The following VPS8 variants were observed in gnomAD, a reference collection of about 807,000 sequenced individuals.
VPS8 encodes VPS8 subunit of CORVET complex.
VPS8 carries 129 observed loss-of-function variants against 216.4 expected under a neutral mutation model. The ratio of observed to expected loss-of-function variants is 0.60; its 90% CI spans 0.52 to 0.69. The LOEUF is 0.69. Among genes scored for constraint, VPS8 ranks in the 30% least tolerant of loss-of-function variants. The pLI, the probability that VPS8 is intolerant of heterozygous loss-of-function variation, is 0.00. For synonymous variants in VPS8, 571 were observed against 565.4 expected (o/e 1.01, Z -0.14); for missense variants, 1,531 against 1,683.5 (o/e 0.91, Z 1.59).
At chr3:185,012,376 AAT>A (rs1268158900) in intron 45 of VPS8, among the ~76,000 whole-genome samples, 2 of 148,102 alleles carry the variant, frequency 1.4e-5, no homozygotes, top group Non-Finnish European at 3.0e-5. Context: ...ACATAAATAT[AAT>A]ATACAACATA....
intron 1 of VPS8, among the ~76,000 whole-genome samples, chr3:184,814,629 TG>T (rs1715908244): frequency 6.6e-6 from 1 of 152,200 alleles, no homozygotes; most frequent in African/African-American, 2.4e-5. Flanking sequence ...TTTAAAAGAT[TG>T]AAAAATGTGA....
At chr3:184,933,599 TTTC>T (rs1332907583) in intron 34 of VPS8, among the ~76,000 whole-genome samples, 2 of 152,050 alleles carry the variant, frequency 1.3e-5, no homozygotes, top group African/African-American at 4.8e-5. Flanking sequence ...TCCTGCTTGC[TTTC>T]TTATTTCTTT....
chr3:184,923,531 T>G (rs1739034255), intron 29 of VPS8, among the ~76,000 whole-genome samples: 3 of 152,198 alleles, frequency 2.0e-5, no homozygotes, highest in Admixed American at 2.0e-4. Flanking sequence ...TTTTATCCCA[T>G]GTACTGCTGA....
chr3:184,845,550 G>A (rs1301955742), intron 8 of VPS8, among the ~76,000 whole-genome samples: 10 of 151,990 alleles, frequency 6.6e-5, no homozygotes, highest in Admixed American at 2.6e-4. Context: ...ACTTAAGGTC[G>A]GGAGTTCGAG....
intron 14 of VPS8, among the ~76,000 whole-genome samples, chr3:184,857,813 G>A (rs554500412): frequency 2.0e-5 from 3 of 152,168 alleles, no homozygotes; most frequent in South Asian, 4.2e-4. Context: ...ATATATTCTC[G>A]GGAAACTGAG....
At chr3:185,018,389 T>C (rs1756131380) in intron 45 of VPS8, among the ~76,000 whole-genome samples, 1 of 152,214 alleles carries the variant, frequency 6.6e-6, no homozygotes, top group African/African-American at 2.4e-5. Flanking sequence ...CAAGCCCTAA[T>C]TCACACTACT....
intron 47 of VPS8, among the ~76,000 whole-genome samples, chr3:185,051,476 C>A (rs1394035072): frequency 6.6e-6 from 1 of 152,068 alleles, no homozygotes; most frequent in African/African-American, 2.4e-5. Context: ...GAGGTTGGAA[C>A]AAGCAGAGCT....
chr3:184,836,785 T>C (rs1721173527), intron 5 of VPS8, among the ~76,000 whole-genome samples: 1 of 152,208 alleles, frequency 6.6e-6, no homozygotes, highest in African/African-American at 2.4e-5. Flanking sequence ...TTAGGGCTGT[T>C]TGGGGCCTTG....
chr3:184,938,642 TTTTTTTC>T (rs1279506646), intron 35 of VPS8, among the ~76,000 whole-genome samples: 89 of 118,936 alleles, frequency 7.5e-4, no homozygotes, highest in Middle Eastern at 7.6e-3. Context: ...TTTTCTTTTC[TTTTTTTC>T]TTTTTTTTTT....
chr3:184,962,580 T>C (rs1576996321), intron 37 of VPS8, among the ~76,000 whole-genome samples: 2 of 152,226 alleles, frequency 1.3e-5, no homozygotes, highest in Non-Finnish European at 2.9e-5. Flanking sequence ...TCTTATTGAG[T>C]TCAAGAAGTT....
At chr3:184,955,350 T>C (rs1745396634) in intron 36 of VPS8, among the ~76,000 whole-genome samples, 1 of 152,178 alleles carries the variant, frequency 6.6e-6, no homozygotes, top group South Asian at 2.1e-4. Flanking sequence ...TTGATCTTTC[T>C]TATAAGTGCA....
At chr3:184,928,319 C>T in intron 31 of VPS8, 132 bp from the exon 32 acceptor site, 1 of 722,780 alleles carries the variant, frequency 1.4e-6, no homozygotes, top group Non-Finnish European at 2.1e-6. Context: ...CCATATGTGA[C>T]AGCAAGCCAA....
At chr3:185,000,640 G>A (rs531710187) in intron 45 of VPS8, among the ~76,000 whole-genome samples, 1 of 138,700 alleles carries the variant, frequency 7.2e-6, no homozygotes, top group African/African-American at 2.7e-5. Flanking sequence ...ATGCAGTCTC[G>A]CTCTGTTGCC....
chr3:185,036,726 A>T (rs890480984), intron 46 of VPS8, among the ~76,000 whole-genome samples: 3 of 151,866 alleles, frequency 2.0e-5, no homozygotes, highest in Non-Finnish European at 4.4e-5. Context: ...GGTATTGCAC[A>T]TACCACAAAA....
chr3:184,891,662 C>A (rs1363351136), intron 22 of VPS8, among the ~76,000 whole-genome samples: 1 of 152,018 alleles, frequency 6.6e-6, no homozygotes, highest in Non-Finnish European at 1.5e-5. Context: ...GTACTTGTAT[C>A]AAAAAATAGA....
intron 36 of VPS8, among the ~76,000 whole-genome samples, chr3:184,942,401 C>G (rs73885623): frequency 0.043 from 6,611 of 152,242 alleles, 457 homozygotes; most frequent in African/African-American, 0.15. Context: ...CCTGTCATAT[C>G]AATTCAGGCG....
intron 25 of VPS8, among the ~76,000 whole-genome samples, chr3:184,912,843 A>G (rs1363365813): frequency 5.3e-5 from 8 of 152,186 alleles, no homozygotes; most frequent in Admixed American, 5.2e-4. Context: ...GCTCTTCATT[A>G]TTGCCAACCA....
intron 25 of VPS8, among the ~76,000 whole-genome samples, chr3:184,911,720 C>G (rs193046463): frequency 1.1e-4 from 17 of 152,306 alleles, no homozygotes; most frequent in Admixed American, 1.1e-3. Flanking sequence ...AATAGACTCC[C>G]TTAGCTGAGA....
At chr3:184,903,162 A>G (rs1186767985) in intron 25 of VPS8, among the ~76,000 whole-genome samples, 2 of 152,198 alleles carry the variant, frequency 1.3e-5, no homozygotes, top group Non-Finnish European at 2.9e-5. Flanking sequence ...ATCCTTGTCC[A>G]GTAATGCACT....
Sources: allele counts gnomAD v4.1 joint callset (sites outside exome capture counted in the v4.1 genomes callset), GRCh38; gene constraint gnomAD v4.1.1; transcripts MANE v1.5; gene names NCBI Gene and HGNC (gene_info 2026-07-23, HGNC 2026-07-21).